CYFIP2: variants seen among roughly 807,000 people sequenced by gnomAD.
CYFIP2 encodes the protein cytoplasmic FMR1 interacting protein 2.
In CYFIP2, 29 loss-of-function variants were observed where a neutral mutation model predicts 158.7. The observed-to-expected ratio is 0.18, with a 90% confidence interval of 0.14 to 0.25. CYFIP2 has a LOEUF of 0.25. CYFIP2 is among the 10% of genes least tolerant of loss of function. The probability of loss-of-function intolerance (pLI) is 1.00; values close to 1 mark genes in which losing one functional copy is unlikely to be tolerated. For missense variants in CYFIP2, 852 were observed against 1,639.5 expected (o/e 0.52, Z 8.29); for synonymous variants, 585 against 617.6 (o/e 0.95, Z 0.78).
At chr5:157,335,468 G>A (rs1761782758) in intron 21 of CYFIP2, among the ~76,000 whole-genome samples, 1 of 152,172 alleles carries the variant, frequency 6.6e-6, no homozygotes, top group South Asian at 2.1e-4. Context: ...AGTAGAGATG[G>A]GGTTTCACTA....
intron 16 of CYFIP2, among the ~76,000 whole-genome samples, chr5:157,324,318 A>G (rs1352484384): frequency 6.6e-6 from 1 of 152,248 alleles, no homozygotes; most frequent in Non-Finnish European, 1.5e-5. Context: ...CTAATTTGTC[A>G]TAAAGTCCTT....
At chr5:157,272,829 G>A (rs193000023) in intron 1 of CYFIP2, among the ~76,000 whole-genome samples, 8 of 152,090 alleles carry the variant, frequency 5.3e-5, no homozygotes, top group African/African-American at 7.2e-5. Context: ...TTTTCATTTC[G>A]CTGCAGAATT....
In CYFIP2 at chr5:157,321,309, A is replaced by G. The variant is rs192092502; in HGVS notation, c.1671+507A>G. On this transcript the variant is annotated intron_variant, in intron 15 of 30. Transcript: ENST00000620254. Reference sequence around the variant, plus strand: ...CTCTGATTATCTTCTCTGTAAAATGAAAACTTTGGATGAGATTGTGTTACT... The same window carrying G: ...CTCTGATTATCTTCTCTGTAAAATGGAAACTTTGGATGAGATTGTGTTACT... Among the ~76,000 whole-genome samples the G allele has an allele frequency of 1.9e-3, 293 of 152,352 alleles. 1 individual carries two copies. The highest frequency in any genetic ancestry group is 7.0e-3 in the African/African-American group (289 of 41,582).
At chr5:157,338,912 C>T (rs1012194837) in intron 21 of CYFIP2, 145 bp from the exon 22 acceptor site, 7 of 703,894 alleles carry the variant, frequency 9.9e-6, no homozygotes, top group African/African-American at 9.0e-5. Flanking sequence ...TCACCTGCTA[C>T]TGTAAGGGTC....
Position 157,395,568 on chromosome 5 carries a change from A to T in CYFIP2, c.*2568A>T. Reference sequence around the variant, plus strand: ...GTTGATAAACATTTCCATCTTCATTAAAACTGCTTCCAAACTAGTAAAACC... The same window carrying T: ...GTTGATAAACATTTCCATCTTCATTTAAACTGCTTCCAAACTAGTAAAACC... On this transcript the variant is annotated 3_prime_UTR_variant, in exon 31 of 31. Coordinates refer to ENST00000620254, the MANE Select transcript of CYFIP2 (RefSeq NM_001037333.3). The T allele has an allele frequency of 7.9e-7, 1 of 1,269,858 alleles. No individual in the cohort carries two copies. Among genetic ancestry groups the T allele is most frequent in the Non-Finnish European group, 1.0e-6 (1 of 971,018 alleles). The allele number at this position is 1,269,858 out of a possible 1,614,324, so 78.7% of individuals were successfully genotyped here. A position where few individuals can be genotyped will look rare whatever the true frequency, so the allele number is the denominator to read the frequency against.
chr5:157,361,716 C>G lies in CYFIP2; in HGVS notation c.3039+118C>G. ...TGCTTTGAGTACAAGCTCACATGCTCTTTTCAGTTCATTTCCAGACAGACA... is the reference window on the plus strand; with the variant it reads ...TGCTTTGAGTACAAGCTCACATGCTGTTTTCAGTTCATTTCCAGACAGACA... On this transcript the variant is annotated intron_variant, in intron 26 of 30. Transcript: ENST00000620254. The surrounding 1 kb of genome is among the most constrained non-coding windows in gnomAD (Gnocchi z 4.4). 1 of 1,257,972 alleles carries G rather than the reference C, an allele frequency of 7.9e-7. No individual in the cohort carries two copies. Among genetic ancestry groups the G allele is most frequent in the South Asian group, 1.4e-5 (1 of 69,960 alleles). 77.9% of individuals were successfully genotyped at this position (1,257,972 alleles called of 1,614,324 possible). A position where few individuals can be genotyped will look rare whatever the true frequency, so the allele number is the denominator to read the frequency against.
At position 157,358,877 on chromosome 5, in the gene CYFIP2, A is replaced by T. The variant is rs58438283; in HGVS notation, c.2674-128A>T. On this transcript the variant is annotated intron_variant, in intron 23 of 30. Transcript: ENST00000620254. ...TGACCACCATTTTGCAAACATATTC[A>T]TGGGGCTCCAGTGAGCACGCTCGTA... is the stretch of plus-strand genomic sequence containing the variant. The T allele has an allele frequency of 4.2e-3, 5,150 of 1,216,932 alleles. 143 individuals carry two copies. The African/African-American group carries it at 0.067, about 16-fold the overall frequency. 75.4% of individuals were successfully genotyped at this position (1,216,932 alleles called of 1,614,324 possible).
chr5:157,383,784 C>A (rs1766369883), intron 28 of CYFIP2, among the ~76,000 whole-genome samples: 1 of 152,120 alleles, frequency 6.6e-6, no homozygotes, highest in African/African-American at 2.4e-5. Flanking sequence ...AAACTAGAAA[C>A]AACCCAAACA....
chr5:157,384,067 G>C (rs1021088707), intron 28 of CYFIP2: 1 of 342,556 alleles, frequency 2.9e-6, no homozygotes, highest in South Asian at 2.3e-5. Flanking sequence ...AGAGAGATGA[G>C]ATAGAATAGA....
intron 3 of CYFIP2, among the ~76,000 whole-genome samples, chr5:157,293,469 T>C (rs1393306630): frequency 1.3e-5 from 2 of 152,182 alleles, no homozygotes; most frequent in Non-Finnish European, 2.9e-5. Flanking sequence ...TGTTGTTGGT[T>C]TTCCCATCTG....
intron 26 of CYFIP2, chr5:157,365,042 C>T (rs566377379): frequency 6.6e-6 from 1 of 152,044 alleles, no homozygotes; most frequent in African/African-American, 2.4e-5. Flanking sequence ...TAGATATAAA[C>T]CACAAATAAC....
At chr5:157,315,651 A>G (rs931736866) in intron 13 of CYFIP2, among the ~76,000 whole-genome samples, 6 of 152,254 alleles carry the variant, frequency 3.9e-5, no homozygotes, top group African/African-American at 1.4e-4. Context: ...CAAGGAAATA[A>G]GCCAACTGTG....
chr5:157,386,002 G>A (rs768854175), intron 28 of CYFIP2, among the ~76,000 whole-genome samples: 3 of 151,876 alleles, frequency 2.0e-5, no homozygotes, highest in Admixed American at 6.6e-5. Flanking sequence ...TGCAGGAAGC[G>A]AGCTATAAAG....
intron 8 of CYFIP2, among the ~76,000 whole-genome samples, chr5:157,305,991 C>A (rs1230634339): frequency 6.6e-6 from 1 of 152,164 alleles, no homozygotes; most frequent in Non-Finnish European, 1.5e-5. Context: ...AGCCATTATT[C>A]CATTGTTAGC....
At chr5:157,373,964 A>G (rs1372914630) in intron 26 of CYFIP2, among the ~76,000 whole-genome samples, 1 of 152,236 alleles carries the variant, frequency 6.6e-6, no homozygotes, top group East Asian at 1.9e-4. Context: ...GTAATTTTCC[A>G]GAGGACAGTC....
intron 15 of CYFIP2, among the ~76,000 whole-genome samples, chr5:157,323,217 G>A (rs574328934): frequency 2.0e-5 from 3 of 152,278 alleles, no homozygotes; most frequent in Non-Finnish European, 4.4e-5. Flanking sequence ...GGAGTTAATT[G>A]TCTAGTAGCC....
chr5:157,390,812 C>A lies in CYFIP2; in HGVS notation c.3594+144C>A, dbSNP rs934152238. ...AAAGATACTATAGGCTGGGGACCTG[C>A]TTAGAGGAAGTCGTGAGGTCGTGAG... On this transcript the variant is annotated intron_variant, in intron 30 of 30. Coordinates refer to ENST00000620254, the MANE Select transcript of CYFIP2 (RefSeq NM_001037333.3). The A allele has an allele frequency of 2.2e-6, 3 of 1,345,270 alleles. No homozygotes were observed. In the African/African-American group the frequency reaches 4.5e-5, roughly 20 times the overall value. 83.3% of individuals were successfully genotyped at this position (1,345,270 alleles called of 1,614,324 possible). A position where few individuals can be genotyped will look rare whatever the true frequency, so the allele number is the denominator to read the frequency against.
At chr5:157,371,584 A>G (rs1456090822) in intron 26 of CYFIP2, among the ~76,000 whole-genome samples, 1 of 152,224 alleles carries the variant, frequency 6.6e-6, no homozygotes, top group Non-Finnish European at 1.5e-5. Context: ...TCTTTATGGT[A>G]GCCTGTAGCC....
At chr5:157,303,136 A>G (rs1758918452) in intron 7 of CYFIP2, 4 of 422,500 alleles carry the variant, frequency 9.5e-6, no homozygotes, top group South Asian at 3.8e-5. Flanking sequence ...ACCCTGCATC[A>G]GGGTTGAGAA....
Sources: allele counts gnomAD v4.1 joint callset (sites outside exome capture counted in the v4.1 genomes callset), GRCh38; gene constraint gnomAD v4.1.1; non-coding constraint Gnocchi (gnomAD v3.1); transcripts MANE v1.5; gene names NCBI Gene and HGNC (gene_info 2026-07-23, HGNC 2026-07-21).